GBF1: variants seen among roughly 807,000 people sequenced by gnomAD.
GBF1 encodes the protein golgi brefeldin A resistant guanine nucleotide exchange factor 1.
GBF1 carries 114 observed loss-of-function variants against 210.5 expected under a neutral mutation model. The ratio of observed to expected loss-of-function variants is 0.54; its 90% CI spans 0.47 to 0.63. The LOEUF (loss-of-function observed/expected upper bound fraction) is 0.63. Among genes scored for constraint, GBF1 ranks in the 30% least tolerant of loss-of-function variants. The pLI is 0.00. For synonymous variants in GBF1, 850 were observed against 889.2 expected, an observed-to-expected ratio of 0.96 and a Z score of 0.78; for missense variants, 1,851 against 2,357.7, an observed-to-expected ratio of 0.79 and a Z score of 4.45.
intron 3 of GBF1, among the ~76,000 whole-genome samples, chr10:102,294,180 GA>G (rs2076717289): frequency 6.6e-6 from 1 of 151,992 alleles, no homozygotes; most frequent in African/African-American, 2.4e-5. Flanking sequence ...GTTAATTAAT[GA>G]AGAAAGAAAA....
At chr10:102,376,823 A>G in intron 32 of GBF1, 23 bp downstream of exon 32, 1 of 1,609,230 alleles carries the variant, frequency 6.2e-7, no homozygotes, top group South Asian at 1.1e-5. Flanking sequence ...ATGAGGGGGC[A>G]GCTGGGGAGT....
At chr10:102,244,158 A>C (rs568956930), upstream of GBF1, among the ~76,000 whole-genome samples, 221 of 150,758 alleles carry the variant, frequency 1.5e-3, 1 homozygote, top group African/African-American at 5.1e-3. Flanking sequence ...AGACAAAAAA[A>C]CAAAACAAAA....
At chr10:102,374,491 AG>A (rs1279636316) in intron 29 of GBF1, among the ~76,000 whole-genome samples, 1 of 152,088 alleles carries the variant, frequency 6.6e-6, no homozygotes, top group Non-Finnish European at 1.5e-5. Flanking sequence ...AGGCTGAGAC[AG>A]GAGGATCACT....
At position 102,351,840 on chromosome 10, in the gene GBF1, T is replaced by A; in HGVS notation, c.415-3T>A. The A allele has an allele frequency of 6.5e-7, 1 of 1,533,292 alleles. No individual in the cohort carries two copies. Among genetic ancestry groups the A allele is most frequent in the Non-Finnish European group, 9.0e-7 (1 of 1,106,302 alleles). 95.0% of individuals were successfully genotyped at this position (1,533,292 alleles called of 1,614,324 possible). A position where few individuals can be genotyped will look rare whatever the true frequency, so the allele number is the denominator to read the frequency against. On this transcript the variant is annotated splice_region_variant and splice_polypyrimidine_tract_variant and intron_variant, in intron 5 of 39. Transcript: ENST00000369983. The stretch of plus-strand genomic sequence containing the variant: ...CACAGTAATTCCTTTTTCTTCCTGA[T>A]AGGTTCTACGGACTCTGCTGCTAAC...
intron 3 of GBF1, among the ~76,000 whole-genome samples, chr10:102,343,078 CAG>C (rs980229200): frequency 6.6e-6 from 1 of 152,200 alleles, no homozygotes; most frequent in Non-Finnish European, 1.5e-5. Context: ...CCCTTCATCT[CAG>C]AGCAGTTAGT....
the GBF1 span, among the ~76,000 whole-genome samples, chr10:102,240,007 G>C: frequency 3.9e-5 from 6 of 152,262 alleles, no homozygotes; most frequent in Admixed American, 1.3e-4. Flanking sequence ...GTGGTGTTGG[G>C]ACTGGTAGGG....
rs1382012134 is a variant in GBF1 at position 102,382,682 on chromosome 10, C to G, written c.*346C>G. On this transcript the variant is annotated 3_prime_UTR_variant, in exon 40 of 40. Transcript: ENST00000369983. ...AGGCATTGAAAACTAAGCCCAACCA[C>G]TCTGCACTTTGTTTCCCACTCCCAT... The G allele has an allele frequency of 4.0e-6, 1 of 247,478 alleles. No homozygotes were observed. The highest frequency in any genetic ancestry group is 2.2e-5 in the African/African-American group (1 of 44,782). The allele number at this position is 247,478 out of a possible 1,614,324, so 15.3% of individuals were successfully genotyped here. A position where few individuals can be genotyped will look rare whatever the true frequency, so the allele number is the denominator to read the frequency against.
intron 3 of GBF1, among the ~76,000 whole-genome samples, chr10:102,271,485 C>A (rs888969801): frequency 1.3e-5 from 2 of 151,058 alleles, no homozygotes; most frequent in African/African-American, 4.9e-5. Flanking sequence ...GCACCTGGCC[C>A]TAGGCTTTTA....
At position 102,375,493 on chromosome 10, in the gene GBF1, C is replaced by G. The variant is rs758879866; in HGVS notation, c.3795C>G (p.Ala1265=). Residue 1265 remains alanine, a synonymous_variant, in exon 30 of 40, where the codon GCC becomes GCG. Transcript: ENST00000369983. ...AANIHSGDDW[A]TLFTLLECIG... ...ACATCCACTCAGGTGATGACTGGGC[C>G]ACACTCTTCACACTGCTGGAGTGCA... is the stretch of plus-strand genomic sequence containing the variant. 2 of 1,613,738 alleles carry G rather than the reference C, an allele frequency of 1.2e-6. No individual in the cohort carries two copies.
intron 1 of GBF1, among the ~76,000 whole-genome samples, chr10:102,256,012 C>T (rs183862176): frequency 3.6e-4 from 55 of 152,334 alleles, no homozygotes; most frequent in Admixed American, 1.2e-3. Context: ...GTGGCACGAA[C>T]GCGGTTCACC....
chr10:102,369,640 C>T, intron 24 of GBF1, 71 bp from the exon 25 acceptor site: 1 of 1,420,388 alleles, frequency 7.0e-7, no homozygotes, highest in Non-Finnish European at 9.9e-7. Context: ...ATCCAGAGAA[C>T]TTTGGTGGGT....
intron 3 of GBF1, among the ~76,000 whole-genome samples, chr10:102,297,778 T>G (rs1044695144): frequency 6.6e-6 from 1 of 152,182 alleles, no homozygotes; most frequent in African/African-American, 2.4e-5. Context: ...ACTTGAAAAT[T>G]TTATAAACCA....
intron 3 of GBF1, among the ~76,000 whole-genome samples, chr10:102,263,301 T>C (rs1249913872): frequency 6.6e-6 from 1 of 152,168 alleles, no homozygotes; most frequent in Admixed American, 6.5e-5. Context: ...GGTTTTTAAC[T>C]TGGAGAGAAA....
At chr10:102,305,217 G>GTGTGTA (rs781196983) in intron 3 of GBF1, among the ~76,000 whole-genome samples, 7 of 134,976 alleles carry the variant, frequency 5.2e-5, no homozygotes, top group Non-Finnish European at 1.1e-4. Context: ...GTGTGTGTGT[G>GTGTGTA]TGTACTTGAT....
At chr10:102,283,827 G>A (rs996613254) in intron 3 of GBF1, among the ~76,000 whole-genome samples, 1 of 152,132 alleles carries the variant, frequency 6.6e-6, no homozygotes, top group African/African-American at 2.4e-5. Flanking sequence ...AAAGAACTCC[G>A]AATTGAGCTG....
chr10:102,294,423 C>T (rs1415335331), intron 3 of GBF1, among the ~76,000 whole-genome samples: 1 of 151,316 alleles, frequency 6.6e-6, no homozygotes, highest in East Asian at 1.9e-4. Context: ...GCTCTGTCGC[C>T]CAGGCTGGAG....
chr10:102,256,972 A>G (rs1224893161), intron 1 of GBF1, among the ~76,000 whole-genome samples: 2 of 152,176 alleles, frequency 1.3e-5, no homozygotes, highest in Admixed American at 6.5e-5. Context: ...CAAGAGTTCA[A>G]GTCTGCAGTG....
intron 8 of GBF1, among the ~76,000 whole-genome samples, chr10:102,354,967 G>A (rs1355296939): frequency 6.8e-6 from 1 of 146,912 alleles, no homozygotes; most frequent in African/African-American, 2.5e-5. Context: ...CCAAGGATTA[G>A]AACTCTAGAT....
chr10:102,350,622 A>G (rs1010355260), intron 4 of GBF1, among the ~76,000 whole-genome samples: 2 of 152,122 alleles, frequency 1.3e-5, no homozygotes, highest in African/African-American at 4.8e-5. Flanking sequence ...AGTGATTCCC[A>G]GAGTATGGTC....
Sources: allele counts gnomAD v4.1 joint callset (sites outside exome capture counted in the v4.1 genomes callset), GRCh38; gene constraint gnomAD v4.1.1; transcripts MANE v1.5; gene names NCBI Gene and HGNC (gene_info 2026-07-23, HGNC 2026-07-21).